SEMA3E: variants seen among roughly 807,000 people sequenced by gnomAD.
SEMA3E encodes semaphorin-3E.
A neutral mutation model predicts 93.6 loss-of-function variants in SEMA3E; 49 were observed. The ratio of observed to expected loss-of-function variants is 0.52; its 90% CI spans 0.42 to 0.66. The LOEUF (loss-of-function observed/expected upper bound fraction) is 0.66. Ranked by LOEUF, SEMA3E falls within the 30% of genes least tolerant of loss-of-function variation. The pLI is 0.00. For missense variants in SEMA3E, 906 were observed against 964.8 expected (o/e 0.94, Z 0.81); for synonymous variants, 363 against 330.7 (o/e 1.10, Z -1.06).
intron 1 of SEMA3E, among the ~76,000 whole-genome samples, chr7:83,639,118 A>AC (rs1793942812): frequency 1.0e-5 from 1 of 97,420 alleles, no homozygotes; most frequent in African/African-American, 4.5e-5. Flanking sequence ...CTCAAAAAAA[A>AC]AAAAAAAAAA....
At chr7:83,496,991 G>A (rs761050090) in intron 1 of SEMA3E, among the ~76,000 whole-genome samples, 2 of 152,162 alleles carry the variant, frequency 1.3e-5, no homozygotes, top group Middle Eastern at 3.4e-3. Context: ...GCTTGGGGAT[G>A]GAATGGACAA....
intron 4 of SEMA3E, among the ~76,000 whole-genome samples, chr7:83,448,815 T>C (rs1304561561): frequency 1.3e-5 from 2 of 152,128 alleles, no homozygotes. Context: ...TGAAAAGTGA[T>C]GAACTAGGAT....
At chr7:83,591,253 G>A (rs1792752130) in intron 1 of SEMA3E, among the ~76,000 whole-genome samples, 1 of 151,736 alleles carries the variant, frequency 6.6e-6, no homozygotes, top group Non-Finnish European at 1.5e-5. Flanking sequence ...AGTATTTTGA[G>A]TGCATGCAAA....
chr7:83,576,577 C>T (rs561131766), intron 1 of SEMA3E, among the ~76,000 whole-genome samples: 3 of 152,052 alleles, frequency 2.0e-5, no homozygotes, highest in Admixed American at 6.6e-5. Flanking sequence ...GTAAAATAGG[C>T]TATGTCGAAA....
chr7:83,571,952 A>C (rs1451887811), intron 1 of SEMA3E, among the ~76,000 whole-genome samples: 1 of 152,160 alleles, frequency 6.6e-6, no homozygotes, highest in Non-Finnish European at 1.5e-5. Context: ...AGAGCCAATC[A>C]AGAACACAAT....
chr7:83,575,107 CTT>C (rs1342760141), intron 1 of SEMA3E, among the ~76,000 whole-genome samples: 1 of 152,042 alleles, frequency 6.6e-6, no homozygotes, highest in Non-Finnish European at 1.5e-5. Context: ...TTTCACTACA[CTT>C]TGAAATATGC....
intron 1 of SEMA3E, among the ~76,000 whole-genome samples, chr7:83,537,487 T>A (rs1389141783): frequency 6.6e-6 from 1 of 152,144 alleles, no homozygotes; most frequent in Non-Finnish European, 1.5e-5. Flanking sequence ...TACTGGCATC[T>A]GGTGGGCAGA....
At chr7:83,470,832 T>A (rs909756518) in intron 2 of SEMA3E, among the ~76,000 whole-genome samples, 1 of 151,266 alleles carries the variant, frequency 6.6e-6, no homozygotes, top group East Asian at 1.9e-4. Flanking sequence ...GAGTGTTTTG[T>A]AATGTTAAGG....
At chr7:83,409,970 A>G (rs1299154536) in intron 5 of SEMA3E, among the ~76,000 whole-genome samples, 1 of 151,710 alleles carries the variant, frequency 6.6e-6, no homozygotes, top group Non-Finnish European at 1.5e-5. Context: ...TTTTAAAGGT[A>G]AAGATGATTG....
intron 4 of SEMA3E, among the ~76,000 whole-genome samples, chr7:83,420,554 C>T (rs1264701926): frequency 2.0e-5 from 3 of 152,108 alleles, no homozygotes; most frequent in Non-Finnish European, 2.9e-5. Flanking sequence ...GGAGGCATCA[C>T]ATTATGTAAC....
chr7:83,479,055 A>G (rs1470590101), intron 2 of SEMA3E, among the ~76,000 whole-genome samples: 1 of 152,206 alleles, frequency 6.6e-6, no homozygotes, highest in Non-Finnish European at 1.5e-5. Flanking sequence ...CCGTTTCAAC[A>G]GCATTGCAGT....
At chr7:83,581,594 C>T (rs987834144) in intron 1 of SEMA3E, among the ~76,000 whole-genome samples, 1 of 151,854 alleles carries the variant, frequency 6.6e-6, no homozygotes, top group African/African-American at 2.4e-5. Flanking sequence ...TTGAATTTTG[C>T]ACCATGGAAA....
intron 5 of SEMA3E, among the ~76,000 whole-genome samples, chr7:83,412,984 A>C (rs1214254197): frequency 6.6e-6 from 1 of 152,150 alleles, no homozygotes; most frequent in Non-Finnish European, 1.5e-5. Context: ...AGGACATTAT[A>C]TTGTGATTAA....
chr7:83,584,423 G>A (rs1343045721), intron 1 of SEMA3E, among the ~76,000 whole-genome samples: 1 of 152,038 alleles, frequency 6.6e-6, no homozygotes, highest in Non-Finnish European at 1.5e-5. Flanking sequence ...ATGATTCATT[G>A]ACAGATTTAT....
At chr7:83,568,235 A>T (rs1792203697) in intron 1 of SEMA3E, among the ~76,000 whole-genome samples, 1 of 152,274 alleles carries the variant, frequency 6.6e-6, no homozygotes, top group African/African-American at 2.4e-5. Context: ...AATAAGTAAT[A>T]AAACATCTGC....
intron 1 of SEMA3E, among the ~76,000 whole-genome samples, chr7:83,645,366 T>A (rs948831334): frequency 1.3e-5 from 2 of 152,054 alleles, no homozygotes; most frequent in Non-Finnish European, 2.9e-5. Flanking sequence ...CATGAACTTT[T>A]AAATATTTGC....
At position 83,476,899 on chromosome 7, in the gene SEMA3E, A is replaced by G. The variant is rs1428008459; in HGVS notation, c.277-7597T>C. 3.9e-5 allele frequency among the ~76,000 whole-genome samples: 6 copies of G among 152,240 alleles called. No individual in the cohort carries two copies. In the East Asian group the frequency reaches 9.6e-4, roughly 24 times the overall value. ...AAGGTTAAATACACATCATTTCATC[A>G]CAATACCCCTACAATATAATTTAAT... On this transcript the variant is annotated intron_variant, in intron 2 of 16. Coordinates refer to ENST00000643230, the MANE Select transcript of SEMA3E (RefSeq NM_012431.3).
Position 83,418,334 on chromosome 7 carries a change from T to C in SEMA3E, c.550+56A>G. The C allele has an allele frequency of 4.2e-6, 5 of 1,200,594 alleles. No homozygotes were observed. The South Asian group carries it at 5.1e-5, about 12-fold the overall frequency. The allele number at this position is 1,200,594 out of a possible 1,614,324, so 74.4% of individuals were successfully genotyped here. A position where few individuals can be genotyped will look rare whatever the true frequency, so the allele number is the denominator to read the frequency against. On this transcript the variant is annotated intron_variant, in intron 5 of 16. Transcript: ENST00000643230. ...TGAAAGAATGTAACTGAAGTTGAAA[T>C]ATATGTTTTAAAATCCTTATGACTA... is the stretch of plus-strand genomic sequence containing the variant.
At chr7:83,413,928 T>C (rs1406112662) in intron 5 of SEMA3E, among the ~76,000 whole-genome samples, 1 of 152,140 alleles carries the variant, frequency 6.6e-6, no homozygotes, top group Non-Finnish European at 1.5e-5. Context: ...AGTGGGGCTT[T>C]TTTCTTAGTC....
Sources: gnomAD v4.1 joint callset for allele counts (sites outside exome capture counted in the v4.1 genomes callset) on GRCh38, gnomAD v4.1.1 for gene constraint, MANE v1.5 for transcripts, NCBI Gene and HGNC (gene_info 2026-07-23, HGNC 2026-07-21) for gene names.